The following MYRIP variants were observed in gnomAD, a reference collection of about 807,000 sequenced individuals.
The protein encoded by MYRIP is rab effector MyRIP.
MYRIP carries 49 observed loss-of-function variants against 98.0 expected under a neutral mutation model. That is an observed-to-expected ratio of 0.50 (90% confidence interval 0.40 to 0.63). The LOEUF (loss-of-function observed/expected upper bound fraction) is 0.63. Ranked by LOEUF, MYRIP falls within the 30% of genes least tolerant of loss-of-function variation. The pLI, the probability that MYRIP is intolerant of heterozygous loss-of-function variation, is 0.00. For missense variants in MYRIP, 1,004 were observed against 1,058.2 expected (o/e 0.95, Z 0.71); for synonymous variants, 404 against 409.5 (o/e 0.99, Z 0.16).
intron 8 of MYRIP, among the ~76,000 whole-genome samples, chr3:40,174,882 G>A (rs1202918988): frequency 2.6e-5 from 4 of 152,170 alleles, no homozygotes; most frequent in Non-Finnish European, 4.4e-5. Context: ...GGTGGCTCAC[G>A]CCTGTAATCC....
intron 2 of MYRIP, among the ~76,000 whole-genome samples, chr3:39,960,500 T>C (rs183413879): frequency 3.9e-4 from 59 of 152,290 alleles, no homozygotes; most frequent in African/African-American, 1.3e-3. Flanking sequence ...ATGTAGTTCA[T>C]TAGCAAGTTG....
intron 3 of MYRIP, among the ~76,000 whole-genome samples, chr3:40,122,468 G>A (rs190000260): frequency 6.6e-6 from 1 of 151,076 alleles, no homozygotes; most frequent in East Asian, 2.0e-4. Context: ...ACAAATACAT[G>A]TAAATCAAAA....
intron 2 of MYRIP, among the ~76,000 whole-genome samples, chr3:40,010,359 G>A (rs1946734969): frequency 6.6e-6 from 1 of 152,202 alleles, no homozygotes; most frequent in South Asian, 2.1e-4. Context: ...CCCAGTGCCT[G>A]GAAGGGAGGA....
chr3:40,206,131 A>G (rs1194702793), intron 10 of MYRIP, among the ~76,000 whole-genome samples: 3 of 152,170 alleles, frequency 2.0e-5, no homozygotes, highest in Admixed American at 6.5e-5. Context: ...TGGACTCCAT[A>G]TCAGCCAAGA....
chr3:40,113,079 C>T (rs982489311), intron 3 of MYRIP, among the ~76,000 whole-genome samples: 4 of 152,228 alleles, frequency 2.6e-5, no homozygotes, highest in African/African-American at 4.8e-5. Flanking sequence ...TGCAGGGAAG[C>T]GTCATTAAAA....
At chr3:40,188,314 T>G (rs1157178574) in intron 9 of MYRIP, among the ~76,000 whole-genome samples, 3 of 152,104 alleles carry the variant, frequency 2.0e-5, no homozygotes, top group Non-Finnish European at 4.4e-5. Context: ...TTAACTAGCA[T>G]AAAGTAAGAC....
At chr3:40,109,682 C>T (rs911438697) in intron 3 of MYRIP, among the ~76,000 whole-genome samples, 1 of 152,190 alleles carries the variant, frequency 6.6e-6, no homozygotes, top group Non-Finnish European at 1.5e-5. Context: ...AACCCTGTGT[C>T]CTTCTTCCTG....
chr3:40,088,879 A>G (rs1202452298), intron 3 of MYRIP, among the ~76,000 whole-genome samples: 1 of 152,170 alleles, frequency 6.6e-6, no homozygotes, highest in Non-Finnish European at 1.5e-5. Context: ...GGCTGGAGGC[A>G]GGAAGTCAGG....
At position 40,119,442 on chromosome 3, in the gene MYRIP, A is replaced by AT. The variant is rs1375282203; in HGVS notation, c.333-31600dup. Among the ~76,000 whole-genome samples, 9 of 152,310 alleles carry AT rather than the reference A, an allele frequency of 5.9e-5. No individual in the cohort carries two copies. The South Asian group carries it at 1.7e-3, about 28-fold the overall frequency. ...TGTGCAGAAAAAGGGCAAAGGGAAT[A>AT]TTTTTTAGTATTTTCTTATGTGTGT... On this transcript the variant is annotated intron_variant, in intron 3 of 16. Transcript: ENST00000302541.
intron 10 of MYRIP, among the ~76,000 whole-genome samples, chr3:40,204,916 G>A (rs768504936): frequency 1.5e-4 from 23 of 152,132 alleles, no homozygotes; most frequent in Non-Finnish European, 2.8e-4. Context: ...TCCAATAGAA[G>A]CCAGCACCCC....
Position 40,258,209 on chromosome 3 carries a change from T to A in MYRIP, c.*43T>A. ...GCCAGTGACCCACTGCCTCCGGCCGTACACGACAGTGCCTTGACCCAACAG... is the reference window on the plus strand; with the variant it reads ...GCCAGTGACCCACTGCCTCCGGCCGAACACGACAGTGCCTTGACCCAACAG... On this transcript the variant is annotated 3_prime_UTR_variant, in exon 17 of 17. Coordinates refer to ENST00000302541, the MANE Select transcript of MYRIP (RefSeq NM_015460.4). 1 of 1,612,434 alleles carries A rather than the reference T, an allele frequency of 6.2e-7. No homozygotes were observed. The highest frequency in any genetic ancestry group is 1.1e-5 in the South Asian group (1 of 91,052).
chr3:39,925,136 A>G (rs1200151486), intron 2 of MYRIP, among the ~76,000 whole-genome samples: 2 of 151,894 alleles, frequency 1.3e-5, no homozygotes, highest in Middle Eastern at 3.4e-3. Context: ...TGTAAACAGA[A>G]AAACAATAAA....
intron 11 of MYRIP, among the ~76,000 whole-genome samples, chr3:40,218,598 CATATATATATATTTT>C (rs1262786823): frequency 2.8e-3 from 40 of 14,230 alleles, no homozygotes; most frequent in East Asian, 0.011. Context: ...CACACACACA[CATATATATATATTTT>C]ATATATATAT....
chr3:39,822,466 C>A (rs1365763952), intron 1 of MYRIP, among the ~76,000 whole-genome samples: 2 of 150,796 alleles, frequency 1.3e-5, no homozygotes, highest in African/African-American at 4.9e-5. Flanking sequence ...TTTTTTTTTG[C>A]GATTTTTTTT....
chr3:40,156,346 A>G lies in MYRIP; in HGVS notation c.469+5162A>G, dbSNP rs935215262. 2.2e-3 allele frequency among the ~76,000 whole-genome samples: 331 copies of G among 152,130 alleles called. 3 individuals carry two copies. The highest frequency in any genetic ancestry group is 3.7e-3 in the Non-Finnish European group (249 of 68,008). ...CTGAGGGCTCTGTTCTGTTCCATTG[A>G]TCTATATTTCTGTTTTGGTACCAGT... On this transcript the variant is annotated intron_variant, in intron 4 of 16. Transcript: ENST00000302541.
At chr3:39,941,209 C>T (rs1944776263) in intron 2 of MYRIP, among the ~76,000 whole-genome samples, 1 of 152,236 alleles carries the variant, frequency 6.6e-6, no homozygotes, top group Admixed American at 6.5e-5. Flanking sequence ...AGCATCTGCT[C>T]AGCTTCTGGT....
chr3:39,984,795 T>C (rs1212472385), intron 2 of MYRIP, among the ~76,000 whole-genome samples: 1 of 151,974 alleles, frequency 6.6e-6, no homozygotes, highest in Non-Finnish European at 1.5e-5. Flanking sequence ...CCCTGAGGAA[T>C]CGCCACACTG....
intron 1 of MYRIP, among the ~76,000 whole-genome samples, chr3:39,884,806 A>ATTTTTTTTTTTTT (rs10662369): frequency 1.5e-5 from 2 of 137,316 alleles, no homozygotes; most frequent in African/African-American, 2.7e-5. Context: ...TACAGTCATT[A>ATTTTTTTTTTTTT]TTATTTTTTT....
At chr3:39,996,815 G>T (rs1025960409) in intron 2 of MYRIP, among the ~76,000 whole-genome samples, 13 of 152,278 alleles carry the variant, frequency 8.5e-5, no homozygotes, top group African/African-American at 2.6e-4. Flanking sequence ...TAAAAGAACA[G>T]AAATAATAAC....
Sources: gnomAD v4.1 joint callset for allele counts (sites outside exome capture counted in the v4.1 genomes callset) on GRCh38, gnomAD v4.1.1 for gene constraint, MANE v1.5 for transcripts, NCBI Gene and HGNC (gene_info 2026-07-23, HGNC 2026-07-21) for gene names.